The following HHIPL2 variants were observed in gnomAD, a reference collection of about 807,000 sequenced individuals.
HHIPL2 encodes HHIP like 2.
In HHIPL2, 61 loss-of-function variants were observed where a neutral mutation model predicts 61.0. The ratio of observed to expected loss-of-function variants is 1.00; its 90% CI spans 0.81 to 1.24. The LOEUF (loss-of-function observed/expected upper bound fraction) is 1.24, where lower values mean the gene tolerates loss of function less well. HHIPL2 is among the 50% of genes most tolerant of loss of function. HHIPL2 has a pLI of 0.00. For synonymous variants in HHIPL2, 343 were observed against 357.4 expected (o/e 0.96, Z 0.45); for missense variants, 885 against 910.2 (o/e 0.97, Z 0.36).
chr1:222,525,601 A>G (rs953170079), intron 7 of HHIPL2, among the ~76,000 whole-genome samples: 18 of 152,144 alleles, frequency 1.2e-4, no homozygotes, highest in Non-Finnish European at 7.4e-5. Flanking sequence ...CAATCCAGAT[A>G]TGGGTAACAT....
At chr1:222,525,533 T>C (rs1659044384) in intron 7 of HHIPL2, among the ~76,000 whole-genome samples, 1 of 152,172 alleles carries the variant, frequency 6.6e-6, no homozygotes, top group Non-Finnish European at 1.5e-5. Flanking sequence ...CAGATAGAGC[T>C]GGCCCCCCCA....
intron 8 of HHIPL2, among the ~76,000 whole-genome samples, 170 bp from the exon 9 acceptor site, chr1:222,523,057 T>A (rs1187591030): frequency 2.6e-5 from 4 of 152,164 alleles, no homozygotes; most frequent in African/African-American, 9.7e-5. Flanking sequence ...GTCACTCCAG[T>A]GATACATGGT....
chr1:222,528,291 G>A (rs1252713097), intron 6 of HHIPL2, among the ~76,000 whole-genome samples: 1 of 152,184 alleles, frequency 6.6e-6, no homozygotes, highest in Non-Finnish European at 1.5e-5. Flanking sequence ...TCAAGTGATT[G>A]TTAGGTATTC....
intron 8 of HHIPL2, 47 bp downstream of exon 8, chr1:222,523,565 T>G: frequency 6.4e-7 from 1 of 1,562,760 alleles, no homozygotes; most frequent in Non-Finnish European, 8.8e-7. Flanking sequence ...GGCACTGCCT[T>G]AGCCTCCACA....
intron 6 of HHIPL2, 22 bp from the exon 7 acceptor site, chr1:222,527,072 G>T: frequency 6.4e-7 from 1 of 1,570,524 alleles, no homozygotes; most frequent in Non-Finnish European, 8.8e-7. Flanking sequence ...AAAATAGACA[G>T]GCAATAATGG....
intron 6 of HHIPL2, among the ~76,000 whole-genome samples, chr1:222,529,942 T>C (rs1659153079): frequency 6.6e-6 from 1 of 152,098 alleles, no homozygotes; most frequent in Non-Finnish European, 1.5e-5. Flanking sequence ...GATCTAAAAA[T>C]GCCTCTCAGA....
chr1:222,523,611 C>T lies in HHIPL2; in HGVS notation c.1888+1G>A. ...AGCCTAAGACTCAAAGATGGACTCA[C>T]TGGCGAGTGGTCTGAACGGGATCCG... On this transcript the variant is annotated splice_donor_variant, in intron 8 of 8. Coordinates refer to ENST00000343410, the MANE Select transcript of HHIPL2 (RefSeq NM_024746.4). LOFTEE classifies it high-confidence loss of function. 6.2e-7 allele frequency: 1 copy of T among 1,614,064 alleles called. No individual in the cohort carries two copies. The highest frequency in any genetic ancestry group is 8.5e-7 in the Non-Finnish European group (1 of 1,179,924).
Position 222,522,698 on chromosome 1 carries a change from T to TG in HHIPL2, c.2077dup (p.His693ProfsTer43). 1 of 1,614,164 alleles carries TG rather than the reference T, an allele frequency of 6.2e-7. No homozygotes were observed. Among genetic ancestry groups the TG allele is most frequent in the Non-Finnish European group, 8.5e-7 (1 of 1,180,018 alleles). On this transcript the variant is annotated frameshift_variant, in exon 9 of 9. Coordinates refer to ENST00000343410, the MANE Select transcript of HHIPL2 (RefSeq NM_024746.4). LOFTEE classifies it low-confidence loss of function (END_TRUNC). ...CTTCCTCCTCTTGCCCTGGCGGACGTGGGGCCCCACTCTGGCTTTCTTCTT... is the reference window on the plus strand; with the variant it reads ...CTTCCTCCTCTTGCCCTGGCGGACGTGGGGGCCCCACTCTGGCTTTCTTCTT...
chr1:222,538,672 T>C lies in HHIPL2; in HGVS notation c.1553A>G (p.Tyr518Cys), dbSNP rs1345509298. Residue 518 changes from tyrosine to cysteine, a missense_variant, in exon 5 of 9, where the codon TAT (tyrosine) becomes TGT (cysteine). Physicochemically the swap from Tyr to Cys is radical, Grantham distance 194 (BLOSUM62 -2). Transcript: ENST00000343410. The part of the protein sequence containing the change: ...GCESPNLNGL[Y>C]IFGDFMSGRL... ...CCCACTCATGAAGTCTCCAAAGATA[T>C]ACAGGCCATTGAGATTTGGGGATTC... 1 of 1,613,866 alleles carries C rather than the reference T, an allele frequency of 6.2e-7. No homozygotes were observed. Among genetic ancestry groups the C allele is most frequent in the South Asian group, 1.1e-5 (1 of 91,080 alleles).
chr1:222,526,978 T>C lies in HHIPL2; in HGVS notation c.1796A>G (p.Asp599Gly). 2 of 1,612,582 alleles carry C rather than the reference T, an allele frequency of 1.2e-6. No homozygotes were observed. The highest frequency in any genetic ancestry group is 2.2e-5 in the East Asian group (1 of 44,854). ...APRGSIYKFV[D>G]PSRRAPPGKC... ...TGACATCAAATCTCACCTTGAGGGGTCAACAAACTTGTAAATAGATCCACG... is the reference window on the plus strand; with the variant it reads ...TGACATCAAATCTCACCTTGAGGGGCCAACAAACTTGTAAATAGATCCACG... Residue 599 changes from aspartate to glycine, a missense_variant, in exon 7 of 9, where the codon GAC becomes GGC. Coordinates refer to ENST00000343410, the MANE Select transcript of HHIPL2 (RefSeq NM_024746.4).
Position 222,538,751 on chromosome 1 carries a change from A to C in HHIPL2, c.1474T>G (p.Tyr492Asp). ...SLDDVLPIYA[Y>D]GHAVGKSVTG... ...ACTGACTTCCCCACTGCATGGCCAT[A>C]AGCATAGATTGGCAGAACATCATCT... Residue 492 changes from tyrosine (Y) to aspartate (D), a missense_variant, in exon 5 of 9, where the codon TAT becomes GAT. Coordinates refer to ENST00000343410, the MANE Select transcript of HHIPL2 (RefSeq NM_024746.4). 1 of 1,614,176 alleles carries C rather than the reference A, an allele frequency of 6.2e-7. No homozygotes were observed. The highest frequency in any genetic ancestry group is 8.5e-7 in the Non-Finnish European group (1 of 1,180,016).
At position 222,547,970 on chromosome 1, in the gene HHIPL2, G is replaced by T. The variant is rs1247834277; in HGVS notation, c.75C>A (p.Leu25=). 6.2e-7 allele frequency: 1 copy of T among 1,611,840 alleles called. No individual in the cohort carries two copies. The highest frequency in any genetic ancestry group is 2.2e-5 in the East Asian group (1 of 44,818). Residue 25 remains leucine (L), a synonymous_variant, in exon 1 of 9, where the codon CTC becomes CTA. Transcript: ENST00000343410. ...CRAPWLSSGI[L]CLCLIFLLGQ... is the part of the protein sequence containing the mutation. ...CCAACAAGAATATGAGGCAGAGGCA[G>T]AGAATGCCAGAAGAGAGCCAGGGGG...
intron 5 of HHIPL2, among the ~76,000 whole-genome samples, chr1:222,535,942 T>G (rs769507313): frequency 6.6e-6 from 1 of 152,052 alleles, no homozygotes; most frequent in Non-Finnish European, 1.5e-5. Flanking sequence ...GAAAATATTT[T>G]TAACTGAATA....
chr1:222,522,829 A>G lies in HHIPL2; in HGVS notation c.1947T>C (p.Ser649=), dbSNP rs202103389. 5 of 1,614,192 alleles carry G rather than the reference A, an allele frequency of 3.1e-6. No individual in the cohort carries two copies. The highest frequency in any genetic ancestry group is 4.2e-6 in the Non-Finnish European group (5 of 1,180,030). The change falls in exon 9 of 9, where the codon AGT becomes AGC. Residue 649 remains serine (S), a synonymous_variant. Coordinates refer to ENST00000343410, the MANE Select transcript of HHIPL2 (RefSeq NM_024746.4). The stretch of plus-strand genomic sequence containing the variant: ...GGGCTGGGCCAGAAGCTAAGGTTGC[A>G]CTGGAAGATTTTCTAGCAGCTTTCT... ...QSEKAARKSS[S]ATLASGPAQG... is the part of the protein sequence containing the mutation.
At position 222,547,999 on chromosome 1, in the gene HHIPL2, G is replaced by A. The variant is rs757482859; in HGVS notation, c.46C>T (p.Arg16Trp). ...ATGCCAGAAGAGAGCCAGGGGGCCCGGCAATGCAGACCACCACACAGATTA... is the reference window on the plus strand; with the variant it reads ...ATGCCAGAAGAGAGCCAGGGGGCCCAGCAATGCAGACCACCACACAGATTA... ...TPNLCGGLHCRAPWLSSGILC... is the reference protein window; with the variant it reads ...TPNLCGGLHCWAPWLSSGILC... Residue 16 changes from arginine (R) to tryptophan (W), a missense_variant, in exon 1 of 9, where the codon CGG becomes TGG. Physicochemically the swap from Arg to Trp is moderately radical, Grantham distance 101. Coordinates refer to ENST00000343410, the MANE Select transcript of HHIPL2 (RefSeq NM_024746.4). The A allele has an allele frequency of 1.6e-5, 26 of 1,603,276 alleles. No individual in the cohort carries two copies. The highest frequency in any genetic ancestry group is 5.4e-5 in the African/African-American group (4 of 74,760).
intron 7 of HHIPL2, chr1:222,524,001 C>G: frequency 8.2e-6 from 3 of 366,602 alleles, no homozygotes; most frequent in Non-Finnish European, 1.5e-5. Context: ...AAGCCTCAGT[C>G]TCCACATCTA....
chr1:222,541,979 A>C (rs1471321090), intron 3 of HHIPL2, 33 bp downstream of exon 3: 1 of 1,572,200 alleles, frequency 6.4e-7, no homozygotes, highest in Admixed American at 2.1e-5. Flanking sequence ...GCTCACTCTG[A>C]AGGGACAAGG....
At chr1:222,541,520 A>G (rs1659432523) in intron 3 of HHIPL2, among the ~76,000 whole-genome samples, 1 of 152,230 alleles carries the variant, frequency 6.6e-6, no homozygotes, top group Admixed American at 6.5e-5. Flanking sequence ...ATATCAATTA[A>G]CAAAATAGAT....
chr1:222,527,248 C>T (rs1487524), intron 6 of HHIPL2, among the ~76,000 whole-genome samples, 198 bp from the exon 7 acceptor site: 5,117 of 152,270 alleles, frequency 0.034, 218 homozygotes, highest in East Asian at 0.1. Context: ...TCTTTGAACC[C>T]CCCAAAGACT....
Sources: gnomAD v4.1 joint callset for allele counts (sites outside exome capture counted in the v4.1 genomes callset) on GRCh38, gnomAD v4.1.1 for gene constraint, MANE v1.5 for transcripts, NCBI Gene and HGNC (gene_info 2026-07-23, HGNC 2026-07-21) for gene names.